The following FAM53A variants were observed in gnomAD, a reference collection of about 807,000 sequenced individuals.
FAM53A encodes family with sequence similarity 53 member A, also known as protein FAM53A.
Under a neutral mutation model 26.6 loss-of-function variants are expected in FAM53A, and 28 were observed. That is an observed-to-expected ratio of 1.05 (90% CI 0.78 to 1.45). FAM53A has a LOEUF of 1.45. FAM53A is among the 40% of genes most tolerant of loss of function. The probability of loss-of-function intolerance (pLI) is 0.00; values close to 1 mark genes in which losing one functional copy is unlikely to be tolerated. For missense variants in FAM53A, 650 were observed against 575.8 expected (o/e 1.13, Z -1.32); for synonymous variants, 290 against 253.1 (o/e 1.15, Z -1.38).
chr4:1,613,876 A>C (rs1438119109), downstream of FAM53A, among the ~76,000 whole-genome samples: 2 of 152,352 alleles, frequency 1.3e-5, no homozygotes, highest in East Asian at 3.9e-4. Context: ...TATGGAGAAC[A>C]GTACCTGTAC....
chr4:1,587,344 C>G, the FAM53A span, among the ~76,000 whole-genome samples: 1 of 152,156 alleles, frequency 6.6e-6, no homozygotes, highest in South Asian at 2.1e-4. Flanking sequence ...TTTCCCAAAC[C>G]TGTTGCTTAA....
intron 1 of FAM53A, among the ~76,000 whole-genome samples, chr4:1,622,816 C>T (rs1044459900): frequency 3.3e-5 from 5 of 152,214 alleles, no homozygotes; most frequent in African/African-American, 1.2e-4. Flanking sequence ...AAGCCCCCAC[C>T]AGGCCTGAGG....
intron 1 of FAM53A, among the ~76,000 whole-genome samples, chr4:1,624,728 C>T (rs920074922): frequency 6.6e-6 from 1 of 152,244 alleles, no homozygotes; most frequent in African/African-American, 2.4e-5. Context: ...AATTCTGTCC[C>T]AGATGCTGTG....
chr4:1,622,950 G>A (rs955712719), intron 1 of FAM53A, among the ~76,000 whole-genome samples: 11 of 152,226 alleles, frequency 7.2e-5, no homozygotes, highest in South Asian at 2.1e-4. Flanking sequence ...TGGGCCTCCC[G>A]CGTGTCCCTC....
intron 4 of FAM53A, among the ~76,000 whole-genome samples, chr4:1,650,232 C>A (rs1712645477): frequency 1.5e-5 from 2 of 132,934 alleles, no homozygotes; most frequent in Non-Finnish European, 3.1e-5. Flanking sequence ...TGAGGTGGCA[C>A]AGGCGTGGCG....
At chr4:1,661,917 G>A (rs935031258) in intron 2 of FAM53A, among the ~76,000 whole-genome samples, 1 of 152,262 alleles carries the variant, frequency 6.6e-6, no homozygotes, top group African/African-American at 2.4e-5. Context: ...CCGCCGGACG[G>A]ATCTCCAGGG....
intron 1 of FAM53A, among the ~76,000 whole-genome samples, chr4:1,682,603 C>A (rs1715526425): frequency 6.6e-6 from 1 of 152,120 alleles, no homozygotes; most frequent in South Asian, 2.1e-4. Flanking sequence ...GTTCCCAATG[C>A]ACCGGTGAAA....
chr4:1,592,286 G>A, the FAM53A span, among the ~76,000 whole-genome samples: 3 of 152,176 alleles, frequency 2.0e-5, no homozygotes, highest in Non-Finnish European at 2.9e-5. Context: ...TGCACGGCGC[G>A]TACCAGCCAC....
At chr4:1,667,592 G>A (rs981957736) in intron 2 of FAM53A, among the ~76,000 whole-genome samples, 1 of 152,154 alleles carries the variant, frequency 6.6e-6, no homozygotes, top group African/African-American at 2.4e-5. Flanking sequence ...CGGGAGGAGA[G>A]GCTTCAGCTT....
intron 4 of FAM53A, chr4:1,644,678 A>G (rs1712078065): frequency 4.1e-6 from 1 of 243,392 alleles, no homozygotes; most frequent in South Asian, 8.9e-5. Flanking sequence ...CCAAAACACA[A>G]AGGTCAAGCC....
chr4:1,574,149 C>G, the FAM53A span: 2 of 153,400 alleles, frequency 1.3e-5, no homozygotes, highest in African/African-American at 4.8e-5. Flanking sequence ...CCCCCGCCCC[C>G]CTACTGTTTC....
At chr4:1,599,225 C>A in the FAM53A span, among the ~76,000 whole-genome samples, 7,500 of 144,922 alleles carry the variant, frequency 0.052, 232 homozygotes, top group Middle Eastern at 0.1. This position sits in a 1 kb window ranked among gnomAD's most constrained non-coding sequence, Gnocchi z 6.1. Flanking sequence ...GGTGCCGGAG[C>A]GCAGGGCCGT....
At chr4:1,609,586 C>T in the FAM53A span, among the ~76,000 whole-genome samples, 1 of 152,128 alleles carries the variant, frequency 6.6e-6, no homozygotes, top group Non-Finnish European at 1.5e-5. Context: ...ACCCTCTCCC[C>T]TGCTGCCCTG....
At chr4:1,684,499 G>A (rs905061516), upstream of FAM53A, among the ~76,000 whole-genome samples, 1 of 150,686 alleles carries the variant, frequency 6.6e-6, no homozygotes, top group African/African-American at 2.4e-5. Context: ...CGAGTCCGCA[G>A]CGCGCCCTGT....
downstream of FAM53A, among the ~76,000 whole-genome samples, chr4:1,638,163 C>T (rs369093454): frequency 2.8e-4 from 43 of 152,048 alleles, no homozygotes; most frequent in East Asian, 7.6e-3. Context: ...CCCTGCAGGG[C>T]CAACCAAGGG....
downstream of FAM53A, among the ~76,000 whole-genome samples, chr4:1,614,322 C>T (rs1027050240): frequency 4.0e-5 from 6 of 150,080 alleles, no homozygotes; most frequent in Non-Finnish European, 7.4e-5. Flanking sequence ...CATCACCCAC[C>T]GGCGAAGGGG....
intron 3 of FAM53A, 136 bp downstream of exon 3, chr4:1,657,272 C>T: frequency 2.6e-6 from 2 of 771,856 alleles, no homozygotes; most frequent in Non-Finnish European, 4.2e-6. Flanking sequence ...CCACCCCACG[C>T]CCCAGTGCAG....
At chr4:1,603,143 G>A in the FAM53A span, among the ~76,000 whole-genome samples, 4 of 152,200 alleles carry the variant, frequency 2.6e-5, no homozygotes, top group Admixed American at 6.5e-5. Context: ...TGAGTGGGGC[G>A]AGCCGAGTAG....
chr4:1,678,684 T>C (rs1165110151), intron 1 of FAM53A, among the ~76,000 whole-genome samples: 1 of 152,068 alleles, frequency 6.6e-6, no homozygotes, highest in African/African-American at 2.4e-5. Flanking sequence ...TAGCCAGGCG[T>C]GGTGGCGTAC....
Sources: gnomAD v4.1 joint callset for allele counts (sites outside exome capture counted in the v4.1 genomes callset) on GRCh38, gnomAD v4.1.1 for gene constraint, Gnocchi (gnomAD v3.1) non-coding constraint, MANE v1.5 for transcripts, NCBI Gene and HGNC (gene_info 2026-07-23, HGNC 2026-07-21) for gene names.